The following C6orf89 variants were observed in gnomAD, a reference collection of about 807,000 sequenced individuals.
The protein encoded by C6orf89 is chromosome 6 open reading frame 89, also known as bombesin receptor-activated protein C6orf89.
Under a neutral mutation model 40.7 loss-of-function variants are expected in C6orf89, and 29 were observed. The observed-to-expected ratio is 0.71, with a 90% CI of 0.53 to 0.97. The LOEUF (loss-of-function observed/expected upper bound fraction) is 0.97, where lower values mean the gene tolerates loss of function less well. Among genes scored for constraint, C6orf89 ranks in the 50% least tolerant of loss-of-function variants. The probability of loss-of-function intolerance (pLI) is 0.00; values close to 1 mark genes in which losing one functional copy is unlikely to be tolerated. For missense variants in C6orf89, 392 were observed against 429.1 expected, an observed-to-expected ratio of 0.91 and a Z score of 0.76; for synonymous variants, 165 against 152.2, an observed-to-expected ratio of 1.08 and a Z score of -0.62.
upstream of C6orf89, chr6:36,883,357 A>G (rs955939796): frequency 1.3e-5 from 2 of 152,178 alleles, no homozygotes; most frequent in African/African-American, 2.4e-5. Flanking sequence ...CTTAAGGTAA[A>G]ACTAACCAGA....
intron 7 of C6orf89, among the ~76,000 whole-genome samples, chr6:36,917,257 G>A (rs574734274): frequency 6.6e-6 from 1 of 152,182 alleles, no homozygotes; most frequent in Non-Finnish European, 1.5e-5. Context: ...GGCAAAAAGT[G>A]TGGGAGCCTG....
chr6:36,903,622 G>A (rs1761809237), intron 4 of C6orf89, among the ~76,000 whole-genome samples: 1 of 152,026 alleles, frequency 6.6e-6, no homozygotes. Context: ...ACCACGCCCG[G>A]CTAATTTTTT....
intron 3 of C6orf89, 140 bp downstream of exon 3, chr6:36,899,773 G>A (rs1761594401): frequency 6.9e-6 from 5 of 728,944 alleles, no homozygotes; most frequent in Non-Finnish European, 1.1e-5. Context: ...TTGTTACCAT[G>A]TGTTACTAGG....
rs62623592 is a variant in C6orf89, at chr6:36,928,665, A to G, written c.*5224A>G. ...CGAGGGTCGGGGAAGGAGGAGTCAC[A>G]GGCAAGACAGGGACTCAGCGCAGTG... On this transcript the variant is annotated 3_prime_UTR_variant, in exon 9 of 9. Coordinates refer to ENST00000480824, the MANE Select transcript of C6orf89 (RefSeq NM_001286635.2). 1,658 of 152,398 alleles carry G rather than the reference A, an allele frequency of 0.011. 10 individuals carry two copies. The highest frequency in any genetic ancestry group is 0.037 in the Middle Eastern group (11 of 294). The allele number at this position is 152,398 out of a possible 1,614,324, so 9.4% of individuals were successfully genotyped here.
In C6orf89 at chr6:36,923,378, C is replaced by T. The variant is rs202168643; in HGVS notation, c.981C>T (p.Tyr327=). 8.4e-5 allele frequency: 136 copies of T among 1,614,054 alleles called. No individual in the cohort carries two copies. The highest frequency in any genetic ancestry group is 4.9e-4 in the Middle Eastern group (3 of 6,062). ...GYVDTTHWKV[Y]VIARGVQPLV... is the part of the protein sequence containing the mutation. Reference sequence around the variant, plus strand: ...TCGACACCACCCACTGGAAGGTCTACGTTATAGCCAGAGGGGTCCAGCCTT... The same window carrying T: ...TCGACACCACCCACTGGAAGGTCTATGTTATAGCCAGAGGGGTCCAGCCTT... Residue 327 remains tyrosine (Y), a synonymous_variant, in exon 9 of 9, where the codon TAC becomes TAT. Coordinates refer to ENST00000480824, the MANE Select transcript of C6orf89 (RefSeq NM_001286635.2).
intron 2 of C6orf89, among the ~76,000 whole-genome samples, chr6:36,895,657 A>G (rs772290028): frequency 7.2e-5 from 11 of 152,226 alleles, no homozygotes; most frequent in Admixed American, 5.9e-4. Context: ...AGGTTCATCC[A>G]TATTGTATCA....
At chr6:36,881,446 G>A (rs992275645), upstream of C6orf89, among the ~76,000 whole-genome samples, 1 of 152,236 alleles carries the variant, frequency 6.6e-6, no homozygotes, top group African/African-American at 2.4e-5. Context: ...GCTGAGGTGG[G>A]TGGATCACCT....
chr6:36,879,461 G>C (rs1327001894), intron 2 of C6orf89, among the ~76,000 whole-genome samples: 2 of 152,188 alleles, frequency 1.3e-5, no homozygotes, highest in Admixed American at 6.5e-5. Flanking sequence ...AACCCAGAAG[G>C]CTGGCATGCC....
chr6:36,916,564 TGGGGAGTAAGGTAGGAAATTTTG>T lies in C6orf89; in HGVS notation c.816_825+13del. On this transcript the variant is annotated splice_donor_variant and splice_donor_5th_base_variant and coding_sequence_variant and intron_variant, in exon 7 of 9. Coordinates refer to ENST00000480824, the MANE Select transcript of C6orf89 (RefSeq NM_001286635.2). LOFTEE classifies it high-confidence loss of function. ...TCCTTTCTTCACCCAGAACCTGTTG[TGGGGAGTAAGGTAGGAAATTTTG>T]AGAGGACTTGGATCTAGAATTTTCT... 1 of 1,614,148 alleles carries T rather than the reference TGGGGAGTAAGGTAGGAAATTTTG, an allele frequency of 6.2e-7. No homozygotes were observed. The highest frequency in any genetic ancestry group is 1.7e-5 in the Admixed American group (1 of 60,022).
chr6:36,909,226 C>G (rs578205118), intron 4 of C6orf89, among the ~76,000 whole-genome samples: 1 of 143,042 alleles, frequency 7.0e-6, no homozygotes, highest in East Asian at 2.1e-4. Flanking sequence ...CTGAGAGATT[C>G]ATATACACAT....
At chr6:36,893,329 T>C (rs1761296443) in intron 1 of C6orf89, among the ~76,000 whole-genome samples, 1 of 151,792 alleles carries the variant, frequency 6.6e-6, no homozygotes, top group African/African-American at 2.4e-5. Context: ...AGCAAGACAA[T>C]AAAAAATGTC....
intron 2 of C6orf89, among the ~76,000 whole-genome samples, chr6:36,896,957 G>A (rs534508184): frequency 1.3e-5 from 2 of 151,576 alleles, no homozygotes; most frequent in South Asian, 2.1e-4. Flanking sequence ...GTGAAACCCC[G>A]TCTCTACTAA....
chr6:36,904,982 A>G (rs1054124652), intron 4 of C6orf89, among the ~76,000 whole-genome samples: 2 of 152,208 alleles, frequency 1.3e-5, no homozygotes, highest in African/African-American at 4.8e-5. Flanking sequence ...TCAGCCTTAG[A>G]TAGGAAATCC....
chr6:36,911,688 G>A (rs6900068), intron 4 of C6orf89, among the ~76,000 whole-genome samples: 59,380 of 151,634 alleles, frequency 0.39, 11,856 homozygotes, highest in Middle Eastern at 0.51. Context: ...AATATGACAC[G>A]CTACTACAGA....
rs181573220 is a variant in C6orf89, at chr6:36,926,427, G to A, written c.*2986G>A. The A allele has an allele frequency of 6.6e-6, 1 of 152,128 alleles. No individual in the cohort carries two copies. The highest frequency in any genetic ancestry group is 1.9e-4 in the East Asian group (1 of 5,190). 9.4% of individuals were successfully genotyped at this position (152,128 alleles called of 1,614,324 possible). A position where few individuals can be genotyped will look rare whatever the true frequency, so the allele number is the denominator to read the frequency against. On this transcript the variant is annotated 3_prime_UTR_variant, in exon 9 of 9. Transcript: ENST00000480824. The stretch of plus-strand genomic sequence containing the variant: ...GGGCGCCTGTAATCCCAGCTACACA[G>A]GAAGCTGAGGCAGGAAAATTGCTTG...
upstream of C6orf89, among the ~76,000 whole-genome samples, chr6:36,882,703 T>C (rs1228798010): frequency 2.0e-5 from 3 of 151,030 alleles, no homozygotes; most frequent in Non-Finnish European, 4.4e-5. Context: ...TTTCATTCAA[T>C]TGTCATTTTC....
At chr6:36,922,791 A>T (rs1220031406) in intron 8 of C6orf89, among the ~76,000 whole-genome samples, 1 of 152,226 alleles carries the variant, frequency 6.6e-6, no homozygotes, top group Admixed American at 6.5e-5. Context: ...ATGAAACCAC[A>T]TTATAGATAG....
At chr6:36,904,689 T>C (rs1761861850) in intron 4 of C6orf89, among the ~76,000 whole-genome samples, 1 of 152,168 alleles carries the variant, frequency 6.6e-6, no homozygotes, top group African/African-American at 2.4e-5. Context: ...AAAAAACAAC[T>C]ACCTTCAGGT....
At chr6:36,880,341 A>T (rs1359263871) in intron 2 of C6orf89, among the ~76,000 whole-genome samples, 2 of 152,238 alleles carry the variant, frequency 1.3e-5, no homozygotes, top group African/African-American at 4.8e-5. Context: ...TCCACCATAA[A>T]GCCAATAACC....
Sources: allele counts gnomAD v4.1 joint callset (sites outside exome capture counted in the v4.1 genomes callset), GRCh38; gene constraint gnomAD v4.1.1; transcripts MANE v1.5; gene names NCBI Gene and HGNC (gene_info 2026-07-23, HGNC 2026-07-21).